The following CUX1 variants were observed in gnomAD, a reference collection of about 807,000 sequenced individuals.
The protein encoded by CUX1 is cut like homeobox 1.
Under a neutral mutation model 158.8 loss-of-function variants are expected in CUX1, and 31 were observed. The ratio of observed to expected loss-of-function variants is 0.20; its 90% CI spans 0.15 to 0.26. CUX1 has a LOEUF of 0.26. Ranked by LOEUF, CUX1 falls within the 10% of genes least tolerant of loss-of-function variation. The pLI, the probability that CUX1 is intolerant of heterozygous loss-of-function variation, is 1.00. For synonymous variants in CUX1, 879 were observed against 862.1 expected, an observed-to-expected ratio of 1.02 and a Z score of -0.34; for missense variants, 1,589 against 2,014.6, an observed-to-expected ratio of 0.79 and a Z score of 4.04.
chr7:101,962,418 C>T (rs1444879603), intron 2 of CUX1, among the ~76,000 whole-genome samples: 1 of 152,200 alleles, frequency 6.6e-6, no homozygotes. Context: ...TTGATTTCAA[C>T]TAAAGCTGTT....
At chr7:102,215,286 G>T (rs1412790963) in intron 20 of CUX1, among the ~76,000 whole-genome samples, 2 of 143,572 alleles carry the variant, frequency 1.4e-5, no homozygotes, top group African/African-American at 2.7e-5. Context: ...TGTCCAGAGT[G>T]CCTGGAGCTG....
intron 8 of CUX1, among the ~76,000 whole-genome samples, chr7:102,136,828 CTA>C (rs1287487806): frequency 6.6e-6 from 1 of 152,184 alleles, no homozygotes; most frequent in Admixed American, 6.5e-5. Flanking sequence ...GGAGTTTATG[CTA>C]TGTTATTTTA....
At chr7:101,955,544 A>C (rs2129165696) in intron 2 of CUX1, among the ~76,000 whole-genome samples, 1 of 152,038 alleles carries the variant, frequency 6.6e-6, no homozygotes, top group East Asian at 1.9e-4. Flanking sequence ...GCACCTACCC[A>C]CTTCCCCACT....
intron 8 of CUX1, among the ~76,000 whole-genome samples, chr7:102,123,622 A>T (rs1832300646): frequency 6.6e-6 from 1 of 151,540 alleles, no homozygotes. Flanking sequence ...AAAAAAAAAA[A>T]AAAAATTATC....
chr7:101,993,774 C>T (rs1815453524), intron 2 of CUX1, among the ~76,000 whole-genome samples: 1 of 152,224 alleles, frequency 6.6e-6, no homozygotes, highest in African/African-American at 2.4e-5. Flanking sequence ...CAGCCCTCAT[C>T]CCTGCCTGCC....
At chr7:102,231,934 C>T (rs782633386) in intron 21 of CUX1, among the ~76,000 whole-genome samples, 5 of 151,712 alleles carry the variant, frequency 3.3e-5, no homozygotes, top group Admixed American at 1.3e-4. Flanking sequence ...AGGATGGTCT[C>T]GATCTCCTGA....
intron 17 of CUX1, among the ~76,000 whole-genome samples, chr7:102,277,682 C>G (rs995179116): frequency 1.3e-5 from 2 of 152,142 alleles, no homozygotes; most frequent in African/African-American, 4.8e-5. Flanking sequence ...AAGGTTGATG[C>G]AAATGTAATC....
intron 11 of CUX1, among the ~76,000 whole-genome samples, chr7:102,186,621 C>T (rs1793658002): frequency 1.3e-5 from 2 of 150,304 alleles, no homozygotes; most frequent in Non-Finnish European, 3.0e-5. Context: ...GCCTATTTTT[C>T]ATACAGAAAA....
intron 2 of CUX1, among the ~76,000 whole-genome samples, chr7:101,941,939 CCT>C (rs994870021): frequency 1.3e-5 from 2 of 152,122 alleles, no homozygotes; most frequent in Admixed American, 6.5e-5. Flanking sequence ...TCTCCCTCCC[CCT>C]CTCTCTGTCC....
intron 16 of CUX1, 52 bp downstream of exon 16, chr7:102,198,919 A>G: frequency 1.3e-6 from 2 of 1,509,786 alleles, no homozygotes; most frequent in Non-Finnish European, 1.8e-6. Flanking sequence ...GGGAAGCAGC[A>G]TGTCCTTAGC....
chr7:102,025,013 G>A (rs572426767), intron 2 of CUX1, among the ~76,000 whole-genome samples: 1 of 152,164 alleles, frequency 6.6e-6, no homozygotes, highest in Non-Finnish European at 1.5e-5. Flanking sequence ...TAGAAGCTCT[G>A]GGGGAGAATC....
chr7:101,875,961 G>A (rs1799085185), intron 1 of CUX1, among the ~76,000 whole-genome samples: 1 of 152,262 alleles, frequency 6.6e-6, no homozygotes, highest in Non-Finnish European at 1.5e-5. Flanking sequence ...TATGACTGCC[G>A]ATGGTTTGGT....
chr7:101,817,596 C>G (rs1562878610), upstream of CUX1: 7 of 1,532,968 alleles, frequency 4.6e-6, no homozygotes, highest in Non-Finnish European at 5.3e-6. This position sits in a 1 kb window ranked among gnomAD's most constrained non-coding sequence, Gnocchi z 4.1. Context: ...CGTGCCAGCT[C>G]GGCGCCCGCG....
At chr7:101,821,671 C>CTTT (rs58793343) in intron 1 of CUX1, among the ~76,000 whole-genome samples, 4,997 of 51,110 alleles carry the variant, frequency 0.098, 961 homozygotes, top group Non-Finnish European at 0.11. Flanking sequence ...TTTCTTTTTT[C>CTTT]TTTTTTTTTT....
At position 102,011,570 on chromosome 7, in the gene CUX1, C is replaced by T. The variant is rs531168182; in HGVS notation, c.142-16528C>T. On this transcript the variant is annotated intron_variant, in intron 2 of 23. Transcript: ENST00000292535. ...GCTAATTTTGTGTTTTTAGTAGAGA[C>T]GGGTTTCACCGTGTTGGCCAGGCTG... Among the ~76,000 whole-genome samples, 11 of 151,798 alleles carry T rather than the reference C, an allele frequency of 7.2e-5. No homozygotes were observed. In the East Asian group the frequency reaches 1.4e-3, roughly 19 times the overall value.
chr7:102,017,991 C>G (rs1243773282), intron 2 of CUX1, among the ~76,000 whole-genome samples: 2 of 152,182 alleles, frequency 1.3e-5, no homozygotes, highest in South Asian at 2.1e-4. Flanking sequence ...AAGTCTTGCT[C>G]TGTCACCCAG....
At chr7:101,918,851 C>T (rs1472431295) in intron 2 of CUX1, among the ~76,000 whole-genome samples, 3 of 152,200 alleles carry the variant, frequency 2.0e-5, no homozygotes, top group East Asian at 1.9e-4. Context: ...GTCACAATCT[C>T]GGCTCACTGC....
intron 8 of CUX1, among the ~76,000 whole-genome samples, chr7:102,139,446 A>T (rs1834221694): frequency 6.6e-6 from 1 of 152,160 alleles, no homozygotes; most frequent in Non-Finnish European, 1.5e-5. Flanking sequence ...TTGGATATAC[A>T]TCTTCCAAGT....
chr7:102,254,299 A>C lies in CUX1; in HGVS notation c.*5257A>C. On this transcript the variant is annotated 3_prime_UTR_variant, in exon 24 of 24. Coordinates refer to ENST00000292535, the MANE Select transcript of CUX1 (RefSeq NM_181552.4). Reference sequence around the variant, plus strand: ...ATTATCCTTGTCCCGGACTGCCCCAAAGTTCCCAGCTGGCTTTGGGGAACA... The same window carrying C: ...ATTATCCTTGTCCCGGACTGCCCCACAGTTCCCAGCTGGCTTTGGGGAACA... The C allele has an allele frequency of 1.0e-6, 1 of 985,278 alleles. No individual in the cohort carries two copies. The highest frequency in any genetic ancestry group is 1.2e-6 in the Non-Finnish European group (1 of 829,932). 61.0% of individuals were successfully genotyped at this position (985,278 alleles called of 1,614,324 possible). A position where few individuals can be genotyped will look rare whatever the true frequency, so the allele number is the denominator to read the frequency against.
Sources: allele counts gnomAD v4.1 joint callset (sites outside exome capture counted in the v4.1 genomes callset), GRCh38; gene constraint gnomAD v4.1.1; non-coding constraint Gnocchi (gnomAD v3.1); transcripts MANE v1.5; gene names NCBI Gene and HGNC (gene_info 2026-07-23, HGNC 2026-07-21).